HORMAD1: variants seen among roughly 807,000 people sequenced by gnomAD.
HORMAD1 encodes HORMA domain containing 1.
HORMAD1 carries 33 observed loss-of-function variants against 58.2 expected under a neutral mutation model. That is an observed-to-expected ratio of 0.57 (90% CI 0.43 to 0.76). The LOEUF is 0.76. Among genes scored for constraint, HORMAD1 ranks in the 30% least tolerant of loss-of-function variants. HORMAD1 has a pLI of 0.00. For synonymous variants in HORMAD1, 137 were observed against 144.6 expected (o/e 0.95, Z 0.38); for missense variants, 363 against 462.0 (o/e 0.79, Z 1.96).
chr1:150,720,007 G>A (rs770817626), intron 1 of HORMAD1, among the ~76,000 whole-genome samples: 31 of 151,960 alleles, frequency 2.0e-4, no homozygotes, highest in Non-Finnish European at 3.7e-4. Flanking sequence ...TCCGCCTCCC[G>A]GGTTCAAGCG....
chr1:150,703,232 A>G, intron 13 of HORMAD1, 78 bp downstream of exon 13: 1 of 794,890 alleles, frequency 1.3e-6, no homozygotes, highest in Admixed American at 2.6e-5. Context: ...GGTTTAATAA[A>G]CGAAATATTA....
At chr1:150,700,206 C>T in intron 13 of HORMAD1, 23 bp from the exon 14 acceptor site, 1 of 1,299,718 alleles carries the variant, frequency 7.7e-7, no homozygotes, top group Non-Finnish European at 1.1e-6. Context: ...AGAATAATTA[C>T]TAATTGGTTA....
intron 3 of HORMAD1, among the ~76,000 whole-genome samples, chr1:150,715,099 A>G (rs1324938535): frequency 6.6e-6 from 1 of 152,044 alleles, no homozygotes; most frequent in Admixed American, 6.6e-5. Flanking sequence ...TAAATTATTA[A>G]TAGCAATAAT....
chr1:150,715,064 C>T (rs1449359273), intron 3 of HORMAD1, among the ~76,000 whole-genome samples: 1 of 151,890 alleles, frequency 6.6e-6, no homozygotes, highest in East Asian at 1.9e-4. Flanking sequence ...GGATTACAGG[C>T]GTGAGCCACC....
In HORMAD1 at chr1:150,706,773, T is replaced by C; in HGVS notation, c.584A>G (p.Asp195Gly). 1 of 1,612,610 alleles carries C rather than the reference T, an allele frequency of 6.2e-7. No homozygotes were observed. The highest frequency in any genetic ancestry group is 8.5e-7 in the Non-Finnish European group (1 of 1,178,888). Residue 195 changes from aspartate (D) to glycine (G), a missense_variant, in exon 10 of 15, where the codon GAT (aspartate) becomes GGT (glycine). Physicochemically the swap from Asp to Gly is moderately conservative, Grantham distance 94. This residue lies in a region of HORMAD1 where 226 missense variants were observed against 257.8 expected (regional missense o/e 0.88). Transcript: ENST00000361824. ...AAATATAACTCCTTCACAATCACCATCCTTAAAACCGGGAGGCTGGTAATC... is the reference window on the plus strand; with the variant it reads ...AAATATAACTCCTTCACAATCACCACCCTTAAAACCGGGAGGCTGGTAATC... ...PPDYQPPGFK[D>G]GDCEGVIFEG... is the part of the protein sequence containing the mutation.
chr1:150,719,021 CCGAGGCGGGCGG>C (rs1652173645), intron 2 of HORMAD1, among the ~76,000 whole-genome samples: 2 of 104 alleles, frequency 0.019, 1 homozygote, highest in Non-Finnish European at 1. Context: ...CTTTGGGAGG[CCGAGGCGGGCGG>C]ATCACGAGGT....
intron 7 of HORMAD1, 114 bp downstream of exon 7, chr1:150,711,431 G>T: frequency 1.3e-6 from 1 of 799,622 alleles, no homozygotes; most frequent in Non-Finnish European, 2.1e-6. Context: ...AAATATATAT[G>T]AAAGTATATT....
chr1:150,701,858 T>A (rs1000614525), intron 13 of HORMAD1: 2 of 152,200 alleles, frequency 1.3e-5, no homozygotes, highest in African/African-American at 4.8e-5. Context: ...TTTATAAGAC[T>A]GAGCATGGTG....
intron 2 of HORMAD1, among the ~76,000 whole-genome samples, chr1:150,718,756 C>G (rs927218593): frequency 6.6e-6 from 1 of 152,116 alleles, no homozygotes; most frequent in Non-Finnish European, 1.5e-5. Flanking sequence ...ACCTTCATAG[C>G]TGAGACTACA....
chr1:150,699,059 T>C (rs1387503609), intron 14 of HORMAD1: 7 of 178,482 alleles, frequency 3.9e-5, no homozygotes, highest in Non-Finnish European at 7.0e-5. Context: ...TAAAATGAAC[T>C]ACAAATAGAA....
chr1:150,712,772 C>T (rs1206925307), intron 5 of HORMAD1, among the ~76,000 whole-genome samples: 1 of 152,176 alleles, frequency 6.6e-6, no homozygotes, highest in Non-Finnish European at 1.5e-5. Flanking sequence ...GTCTCAAACT[C>T]CTAACCTTAG....
At chr1:150,714,765 G>T in intron 3 of HORMAD1, 87 bp from the exon 4 acceptor site, 1 of 520,166 alleles carries the variant, frequency 1.9e-6, no homozygotes. Flanking sequence ...CTTCTGCTGT[G>T]TATTACAGGT....
At chr1:150,717,608 G>T (rs1652123710) in intron 2 of HORMAD1, among the ~76,000 whole-genome samples, 2 of 152,020 alleles carry the variant, frequency 1.3e-5, no homozygotes, top group South Asian at 4.2e-4. Flanking sequence ...ACCTCCATTG[G>T]ATGCAAGTTG....
At chr1:150,714,144 AT>A in intron 4 of HORMAD1, 23 bp from the exon 5 acceptor site, 1 of 1,404,418 alleles carries the variant, frequency 7.1e-7, no homozygotes, top group Non-Finnish European at 9.9e-7. Flanking sequence ...TCAAGGATTC[AT>A]TTTTAGACTG....
At chr1:150,707,580 T>C (rs988800947) in intron 9 of HORMAD1, among the ~76,000 whole-genome samples, 23 of 152,370 alleles carry the variant, frequency 1.5e-4, no homozygotes, top group Admixed American at 1.2e-3. Flanking sequence ...ATTTAAAATT[T>C]TGATACTGCC....
chr1:150,717,059 G>C, intron 3 of HORMAD1, 79 bp downstream of exon 3: 1 of 866,092 alleles, frequency 1.2e-6, no homozygotes. Flanking sequence ...AAATTTCTAA[G>C]TCAAAAATTA....
chr1:150,710,415 A>G (rs1412629548), intron 7 of HORMAD1, among the ~76,000 whole-genome samples: 3 of 152,246 alleles, frequency 2.0e-5, no homozygotes, highest in African/African-American at 4.8e-5. Context: ...TTGTGAATAA[A>G]TATTCACAAA....
intron 7 of HORMAD1, among the ~76,000 whole-genome samples, chr1:150,709,243 A>T (rs1212214679): frequency 5.3e-5 from 8 of 152,250 alleles, no homozygotes; most frequent in Admixed American, 5.2e-4. Context: ...AAGGGAAGAC[A>T]TAAGAGACTC....
At chr1:150,719,389 C>A in intron 2 of HORMAD1, 84 bp downstream of exon 2, 1 of 824,478 alleles carries the variant, frequency 1.2e-6, no homozygotes, top group Non-Finnish European at 2.0e-6. Flanking sequence ...TAGTTGAGCC[C>A]TAACTTCCAA....
Sources: allele counts gnomAD v4.1 joint callset (sites outside exome capture counted in the v4.1 genomes callset), GRCh38; gene constraint gnomAD v4.1.1; regional missense constraint gnomAD v4.1.1; transcripts MANE v1.5; gene names NCBI Gene and HGNC (gene_info 2026-07-23, HGNC 2026-07-21).